PDE10A: variants seen among roughly 807,000 people sequenced by gnomAD.
PDE10A encodes the protein cAMP and cAMP-inhibited cGMP 3',5'-cyclic phosphodiesterase 10A.
Under a neutral mutation model 97.7 loss-of-function variants are expected in PDE10A, and 39 were observed. That is an observed-to-expected ratio of 0.40 (90% CI 0.31 to 0.52). The LOEUF (loss-of-function observed/expected upper bound fraction) is 0.52. Among genes scored for constraint, PDE10A ranks in the 20% least tolerant of loss-of-function variants. The probability of loss-of-function intolerance (pLI) is 0.56; values close to 1 mark genes in which losing one functional copy is unlikely to be tolerated. For synonymous variants in PDE10A, 371 were observed against 376.8 expected, an observed-to-expected ratio of 0.98 and a Z score of 0.18; for missense variants, 731 against 1,047.8, an observed-to-expected ratio of 0.70 and a Z score of 4.17.
At chr6:165,481,691 C>T (rs1779613415) in intron 3 of PDE10A, among the ~76,000 whole-genome samples, 1 of 152,266 alleles carries the variant, frequency 6.6e-6, no homozygotes, top group Admixed American at 6.5e-5. Context: ...AACCAGTATA[C>T]TAAATGCTTT....
At chr6:165,359,493 G>C (rs1783244897) in intron 18 of PDE10A, among the ~76,000 whole-genome samples, 1 of 152,026 alleles carries the variant, frequency 6.6e-6, no homozygotes, top group Non-Finnish European at 1.5e-5. Flanking sequence ...TTTCTCCCTG[G>C]TACTTTATTA....
At chr6:165,772,617 G>T (rs1270406098) in intron 1 of PDE10A, among the ~76,000 whole-genome samples, 1 of 152,242 alleles carries the variant, frequency 6.6e-6, no homozygotes, top group Admixed American at 6.5e-5. Flanking sequence ...GGGCCCTTCC[G>T]AACTCTATGG....
intron 1 of PDE10A, among the ~76,000 whole-genome samples, chr6:165,585,460 AC>A (rs1265597765): frequency 1.3e-5 from 2 of 152,252 alleles, no homozygotes; most frequent in African/African-American, 4.8e-5. Context: ...TCTTAGGGGG[AC>A]CTACGTGCAA....
chr6:165,813,625 A>C (rs1779336692), intron 1 of PDE10A, among the ~76,000 whole-genome samples: 1 of 152,252 alleles, frequency 6.6e-6, no homozygotes, highest in South Asian at 2.1e-4. Flanking sequence ...AAGGTAATAT[A>C]TAAATCTGAC....
At chr6:165,607,895 C>G (rs1175516476) in intron 1 of PDE10A, among the ~76,000 whole-genome samples, 3 of 152,042 alleles carry the variant, frequency 2.0e-5, no homozygotes, top group African/African-American at 4.8e-5. Context: ...GTCACCCTAT[C>G]ACACCCAAGT....
At chr6:165,728,943 A>C (rs1439738303) in intron 1 of PDE10A, among the ~76,000 whole-genome samples, 1 of 152,226 alleles carries the variant, frequency 6.6e-6, no homozygotes, top group Non-Finnish European at 1.5e-5. Flanking sequence ...TTAGAATGAA[A>C]TTAAGAAGAA....
chr6:165,533,787 T>C (rs1030150815), intron 2 of PDE10A, among the ~76,000 whole-genome samples: 2 of 152,202 alleles, frequency 1.3e-5, no homozygotes, highest in African/African-American at 4.8e-5. Flanking sequence ...TTATATTTCA[T>C]AGGGTTTTAA....
intron 1 of PDE10A, among the ~76,000 whole-genome samples, chr6:165,733,476 G>GA (rs1792490182): frequency 6.6e-6 from 1 of 152,150 alleles, no homozygotes; most frequent in Non-Finnish European, 1.5e-5. Context: ...TACTAACAAA[G>GA]TAGCTACCAC....
intron 1 of PDE10A, among the ~76,000 whole-genome samples, chr6:165,572,036 T>A (rs1052111393): frequency 6.6e-6 from 1 of 152,226 alleles, no homozygotes; most frequent in African/African-American, 2.4e-5. Context: ...AAGAATTGTG[T>A]CCGCTTATCT....
intron 1 of PDE10A, among the ~76,000 whole-genome samples, chr6:165,958,549 GAAA>G (rs1784229293): frequency 4.7e-5 from 2 of 42,626 alleles, no homozygotes; most frequent in Non-Finnish European, 9.6e-5. Context: ...AAGAAAGAAA[GAAA>G]GAAAGAAAGA....
At chr6:165,473,240 T>C (rs1779112975) in intron 3 of PDE10A, among the ~76,000 whole-genome samples, 2 of 152,168 alleles carry the variant, frequency 1.3e-5, no homozygotes, top group Admixed American at 6.5e-5. Flanking sequence ...CAAGTAAATA[T>C]ATGCATGTGA....
At chr6:165,961,581 G>C (rs1304068504) in intron 1 of PDE10A, among the ~76,000 whole-genome samples, 2 of 152,186 alleles carry the variant, frequency 1.3e-5, no homozygotes, top group Non-Finnish European at 2.9e-5. Flanking sequence ...CTTACCCCTT[G>C]TTTGGTTTGC....
At chr6:165,923,424 T>C (rs950875303) in intron 1 of PDE10A, among the ~76,000 whole-genome samples, 1 of 152,218 alleles carries the variant, frequency 6.6e-6, no homozygotes, top group Admixed American at 6.5e-5. Flanking sequence ...GAGATACGTG[T>C]ACCATTGACA....
At chr6:165,628,265 C>T (rs1365544827) in intron 1 of PDE10A, among the ~76,000 whole-genome samples, 1 of 152,164 alleles carries the variant, frequency 6.6e-6, no homozygotes, top group African/African-American at 2.4e-5. Context: ...CAAGGATGTA[C>T]TGAGGCTTAA....
At chr6:165,664,212 G>T (rs1201343060), upstream of PDE10A, among the ~76,000 whole-genome samples, 1 of 152,158 alleles carries the variant, frequency 6.6e-6, no homozygotes, top group South Asian at 2.1e-4. Flanking sequence ...TTGACCCAGG[G>T]CCCTGGGCTC....
intron 1 of PDE10A, among the ~76,000 whole-genome samples, chr6:165,726,806 T>C (rs1792309039): frequency 7.2e-6 from 1 of 138,756 alleles, no homozygotes; most frequent in Admixed American, 7.6e-5. Context: ...CAGTTCAGCG[T>C]CTTAACCAGC....
chr6:165,474,494 T>C (rs960982153), intron 3 of PDE10A, among the ~76,000 whole-genome samples: 28 of 152,168 alleles, frequency 1.8e-4, no homozygotes, highest in Admixed American at 4.6e-4. Flanking sequence ...TTCGAATTTG[T>C]AGTAAAAACA....
At chr6:165,576,312 A>G (rs1785301886) in intron 1 of PDE10A, 1 of 714,458 alleles carries the variant, frequency 1.4e-6, no homozygotes, top group Non-Finnish European at 2.6e-6. Flanking sequence ...ATTTTAATGA[A>G]TTGGCAGATC....
intron 1 of PDE10A, among the ~76,000 whole-genome samples, chr6:165,943,226 A>G (rs775199506): frequency 0.037 from 1,821 of 49,404 alleles, 60 homozygotes; most frequent in Non-Finnish European, 0.043. Context: ...AAAGAAAGAA[A>G]GAAAGAAAGA....
Sources: allele counts gnomAD v4.1 joint callset (sites outside exome capture counted in the v4.1 genomes callset), GRCh38; gene constraint gnomAD v4.1.1; transcripts MANE v1.5; gene names NCBI Gene and HGNC (gene_info 2026-07-23, HGNC 2026-07-21).